Variants in UBR7 observed in about 807,000 individuals in gnomAD.
The protein encoded by UBR7 is putative E3 ubiquitin-protein ligase UBR7.
UBR7 carries 22 observed loss-of-function variants against 57.0 expected under a neutral mutation model. The ratio of observed to expected loss-of-function variants is 0.39; its 90% CI spans 0.28 to 0.55. The LOEUF is 0.55. Ranked by LOEUF, UBR7 falls within the 20% of genes least tolerant of loss-of-function variation. The pLI is 0.69. For synonymous variants in UBR7, 167 were observed against 179.8 expected, an observed-to-expected ratio of 0.93 and a Z score of 0.57; for missense variants, 395 against 513.2, an observed-to-expected ratio of 0.77 and a Z score of 2.23.
intron 10 of UBR7, among the ~76,000 whole-genome samples, chr14:93,224,438 G>A (rs1305886163): frequency 6.9e-6 from 1 of 143,930 alleles, no homozygotes; most frequent in African/African-American, 2.6e-5. Flanking sequence ...GAGGGCAGTG[G>A]CGTGATCTCG....
rs569969886 is a variant in UBR7 at position 93,217,987 on chromosome 14, AG to A, written c.602-535del. Among the ~76,000 whole-genome samples, 568 of 151,560 alleles carry A rather than the reference AG, an allele frequency of 3.7e-3. 7 individuals are homozygous for A. Among genetic ancestry groups the A allele is most frequent in the African/African-American group, 0.013 (552 of 41,290 alleles). ...TGCATGCCTGTAATCCCAGCTACTC[AG>A]GGGGCTGAGGCAGGAGAATTGCCTG... On this transcript the variant is annotated intron_variant, in intron 6 of 10. Coordinates refer to ENST00000013070, the MANE Select transcript of UBR7 (RefSeq NM_175748.4).
intron 8 of UBR7, among the ~76,000 whole-genome samples, chr14:93,220,002 A>G (rs974049621): frequency 2.0e-5 from 3 of 152,134 alleles, no homozygotes; most frequent in South Asian, 2.1e-4. Flanking sequence ...CAGTAAATCA[A>G]TGGTTTTTAA....
At chr14:93,219,485 G>C (rs1188827844) in intron 8 of UBR7, 124 bp downstream of exon 8, 7 of 1,269,456 alleles carry the variant, frequency 5.5e-6, no homozygotes, top group Non-Finnish European at 7.7e-6. Context: ...AAGAACACCT[G>C]AACAATATAT....
chr14:93,218,863 T>G, intron 7 of UBR7, 128 bp downstream of exon 7: 2 of 970,074 alleles, frequency 2.1e-6, no homozygotes, highest in Non-Finnish European at 3.1e-6. Context: ...GAGACCAGCC[T>G]TGGCAACATG....
intron 4 of UBR7, among the ~76,000 whole-genome samples, chr14:93,212,649 G>A (rs1237014574): frequency 2.0e-5 from 3 of 152,168 alleles, no homozygotes; most frequent in Non-Finnish European, 4.4e-5. Flanking sequence ...GTGTTTCAAT[G>A]TGTAGTTTCC....
At position 93,227,406 on chromosome 14, in the gene UBR7, C is replaced by T. The variant is rs567237669; in HGVS notation, c.*371C>T. On this transcript the variant is annotated 3_prime_UTR_variant, in exon 11 of 11. Transcript: ENST00000013070. ...GTTTTGCCACAGAGCTGTTGCCTTC[C>T]AGAACCTCCTCCGCAGGCATCACGG... is the stretch of plus-strand genomic sequence containing the variant. 3.0e-6 allele frequency: 2 copies of T among 659,694 alleles called. No individual in the cohort carries two copies. The highest frequency in any genetic ancestry group is 3.5e-5 in the African/African-American group (2 of 56,680). The allele number at this position is 659,694 out of a possible 1,614,324, so 40.9% of individuals were successfully genotyped here. A position where few individuals can be genotyped will look rare whatever the true frequency, so the allele number is the denominator to read the frequency against.
At chr14:93,215,410 G>C in intron 6 of UBR7, 129 bp downstream of exon 6, 2 of 871,240 alleles carry the variant, frequency 2.3e-6, no homozygotes, top group Non-Finnish European at 3.7e-6. Flanking sequence ...TTCTGGCCAG[G>C]CATGGTGGCT....
chr14:93,218,445 T>G, intron 6 of UBR7, 82 bp from the exon 7 acceptor site: 1 of 1,186,354 alleles, frequency 8.4e-7, no homozygotes, highest in Non-Finnish European at 1.2e-6. Flanking sequence ...GAATAAGTGA[T>G]TTTATTGTCT....
chr14:93,211,933 A>C, intron 3 of UBR7, 99 bp from the exon 4 acceptor site: 1 of 946,752 alleles, frequency 1.1e-6, no homozygotes, highest in Non-Finnish European at 1.6e-6. Context: ...CTCTTGGGGG[A>C]AATAATGTGG....
In UBR7 at chr14:93,207,338, C is replaced by A; in HGVS notation, c.47C>A (p.Pro16His). The A allele has an allele frequency of 6.4e-7, 1 of 1,558,192 alleles. No homozygotes were observed. Among genetic ancestry groups the A allele is most frequent in the Non-Finnish European group, 8.7e-7 (1 of 1,150,662 alleles). Residue 16 changes from proline (P) to histidine (H), a missense_variant, in exon 1 of 11, where the codon CCC (proline) becomes CAC (histidine). Coordinates refer to ENST00000013070, the MANE Select transcript of UBR7 (RefSeq NM_175748.4). ...GCTGGGCGGCAGTCGGAGCTGGAGCCCGTGGTATCGTTGGTCGACGTCCTT... is the reference window on the plus strand; with the variant it reads ...GCTGGGCGGCAGTCGGAGCTGGAGCACGTGGTATCGTTGGTCGACGTCCTT... ...GAAGRQSELE[P>H]VVSLVDVLEE...
chr14:93,223,932 C>G, intron 10 of UBR7: 2 of 730,076 alleles, frequency 2.7e-6, no homozygotes, highest in Non-Finnish European at 2.5e-6. Flanking sequence ...GGGGACTTCT[C>G]AAACACCTGC....
rs1165464357 is a variant in UBR7 at position 93,228,384 on chromosome 14, T to A, written c.*1349T>A. ...TGACAGTCGGAGACACACCTTGATGTATGTTAATAAAAGCATTTCAGGCTG... is the reference window on the plus strand; with the variant it reads ...TGACAGTCGGAGACACACCTTGATGAATGTTAATAAAAGCATTTCAGGCTG... On this transcript the variant is annotated 3_prime_UTR_variant, in exon 11 of 11. Transcript: ENST00000013070. 2.2e-6 allele frequency: 1 copy of A among 454,384 alleles called. No homozygotes were observed. The highest frequency in any genetic ancestry group is 2.0e-5 in the African/African-American group (1 of 49,996). 28.1% of individuals were successfully genotyped at this position (454,384 alleles called of 1,614,324 possible).
chr14:93,210,305 G>A (rs892576030), intron 2 of UBR7, among the ~76,000 whole-genome samples: 1 of 151,936 alleles, frequency 6.6e-6, no homozygotes, highest in Non-Finnish European at 1.5e-5. Flanking sequence ...GGATGGTCTC[G>A]ATCTCCTGAC....
intron 10 of UBR7, chr14:93,223,732 G>T: frequency 1.2e-6 from 1 of 800,290 alleles, no homozygotes. Context: ...GCACTTGCTG[G>T]CTGCGATCTC....
rs1161686524 is a variant in UBR7, at chr14:93,209,881, G to A, written c.208G>A (p.Glu70Lys). ...TAGTACCTGCACCCCAGAGGGAGAA[G>A]AACCAGCAGGAATTTGTTTAGCTTG... ...ACSTCTPEGE[E>K]PAGICLACSY... The change falls in exon 2 of 11, where the codon GAA becomes AAA. Residue 70 changes from glutamate to lysine, a missense_variant. By Grantham distance (56) the Glu-to-Lys change is moderately conservative (BLOSUM62 1). Coordinates refer to ENST00000013070, the MANE Select transcript of UBR7 (RefSeq NM_175748.4). 3 of 1,614,014 alleles carry A rather than the reference G, an allele frequency of 1.9e-6. No homozygotes were observed. Among genetic ancestry groups the A allele is most frequent in the Non-Finnish European group, 2.5e-6 (3 of 1,179,960 alleles).
chr14:93,214,874 A>G, intron 4 of UBR7, 55 bp from the exon 5 acceptor site: 1 of 1,477,820 alleles, frequency 6.8e-7, no homozygotes, highest in Non-Finnish European at 9.5e-7. Flanking sequence ...GTGCCAGGTT[A>G]TTTCCATGTT....
intron 6 of UBR7, 150 bp from the exon 7 acceptor site, chr14:93,218,377 C>A: frequency 2.8e-6 from 2 of 725,820 alleles, no homozygotes; most frequent in Non-Finnish European, 2.3e-6. Context: ...TGCCACTGCA[C>A]TCCAGTGTGG....
At chr14:93,214,010 T>C (rs112421254) in intron 4 of UBR7, among the ~76,000 whole-genome samples, 17 of 152,154 alleles carry the variant, frequency 1.1e-4, no homozygotes, top group African/African-American at 4.1e-4. Context: ...CACTGCAACC[T>C]CTGCCTCCCA....
chr14:93,220,528 T>C, intron 9 of UBR7, 117 bp downstream of exon 9: 1 of 1,240,588 alleles, frequency 8.1e-7, no homozygotes, highest in South Asian at 1.3e-5. Flanking sequence ...TTTTGAATTT[T>C]AGACCATTGC....
Sources: gnomAD v4.1 joint callset for allele counts (sites outside exome capture counted in the v4.1 genomes callset) on GRCh38, gnomAD v4.1.1 for gene constraint, MANE v1.5 for transcripts, NCBI Gene and HGNC (gene_info 2026-07-23, HGNC 2026-07-21) for gene names.